Variants in LIFR observed in about 807,000 individuals in gnomAD.
The protein encoded by LIFR is leukemia inhibitory factor receptor.
In LIFR, 84 loss-of-function variants were observed where a neutral mutation model predicts 122.2. That is an observed-to-expected ratio of 0.69 (90% CI 0.58 to 0.82). The LOEUF (loss-of-function observed/expected upper bound fraction) is 0.82, where lower values mean the gene tolerates loss of function less well. Ranked by LOEUF, LIFR falls within the 40% of genes least tolerant of loss-of-function variation. The pLI is 0.00. For missense variants in LIFR, 1,294 were observed against 1,311.6 expected (o/e 0.99, Z 0.21); for synonymous variants, 422 against 434.7 (o/e 0.97, Z 0.36).
chr5:38,521,476 AAGTGGTCC>A (rs1265074636), intron 5 of LIFR, among the ~76,000 whole-genome samples: 1 of 152,194 alleles, frequency 6.6e-6, no homozygotes, highest in South Asian at 2.1e-4. Context: ...AGAGTGGCGT[AAGTGGTCC>A]AGTCTTTGGG....
chr5:38,519,798 T>C lies in LIFR; in HGVS notation c.561+3621A>G, dbSNP rs531544250. Among the ~76,000 whole-genome samples, 13 of 152,342 alleles carry C rather than the reference T, an allele frequency of 8.5e-5. 1 individual carries two copies. In the South Asian group the frequency reaches 2.7e-3, roughly 32 times the overall value. On this transcript the variant is annotated intron_variant, in intron 5 of 19. Coordinates refer to ENST00000453190, the MANE Select transcript of LIFR (RefSeq NM_001127671.2). ...TCCATCCTGGTTGCTGAAGATGACA[T>C]GATTTCATTCTTTTTTATGGCCAAA...
intron 5 of LIFR, among the ~76,000 whole-genome samples, chr5:38,515,238 C>T (rs1391725716): frequency 1.3e-5 from 2 of 152,028 alleles, no homozygotes; most frequent in African/African-American, 2.4e-5. Context: ...TGGCCACAAG[C>T]GGTCTCGGCT....
chr5:38,488,930 C>A, intron 16 of LIFR, 148 bp downstream of exon 16: 1 of 652,640 alleles, frequency 1.5e-6, no homozygotes. Flanking sequence ...CTCTTATATT[C>A]ATAGAATTAC....
rs1039353472 is a variant in LIFR, at chr5:38,477,090, A to G, written c.*4505T>C. 2 of 224,316 alleles carry G rather than the reference A, an allele frequency of 8.9e-6. No individual in the cohort carries two copies. Among genetic ancestry groups the G allele is most frequent in the African/African-American group, 4.5e-5 (2 of 44,894 alleles). 13.9% of individuals were successfully genotyped at this position (224,316 alleles called of 1,614,324 possible). A position where few individuals can be genotyped will look rare whatever the true frequency, so the allele number is the denominator to read the frequency against. ...TTGAATGTTATTCTTAATCCTTTAC[A>G]CTGGCACTAAAAATAGTTCATCTGT... On this transcript the variant is annotated 3_prime_UTR_variant, in exon 20 of 20. Coordinates refer to ENST00000453190, the MANE Select transcript of LIFR (RefSeq NM_001127671.2).
intron 11 of LIFR, among the ~76,000 whole-genome samples, chr5:38,501,629 T>C (rs901004782): frequency 4.6e-5 from 7 of 151,812 alleles, no homozygotes; most frequent in Non-Finnish European, 1.0e-4. Context: ...GTGGGGCCCC[T>C]ACTTGGGAGG....
intron 4 of LIFR, among the ~76,000 whole-genome samples, chr5:38,525,106 G>T (rs1290102793): frequency 6.6e-6 from 1 of 152,102 alleles, no homozygotes; most frequent in Non-Finnish European, 1.5e-5. Flanking sequence ...CACTAAAAAA[G>T]GTAGCAGGAA....
At chr5:38,562,125 C>G (rs754339530) in intron 1 of LIFR, among the ~76,000 whole-genome samples, 19 of 152,300 alleles carry the variant, frequency 1.2e-4, no homozygotes, top group Middle Eastern at 3.4e-3. Context: ...CCCGAGTGAA[C>G]TCTGTCCATC....
chr5:38,517,957 A>G (rs994865636), intron 5 of LIFR, among the ~76,000 whole-genome samples: 3 of 134,406 alleles, frequency 2.2e-5, no homozygotes, highest in African/African-American at 8.5e-5. Context: ...AAAAAAAAAC[A>G]AACAAAAAAA....
rs777244291 is a variant in LIFR, at chr5:38,485,894, G to T, written c.2422C>A (p.His808Asn). The change falls in exon 17 of 20, where the codon CAC becomes AAC. Residue 808 changes from histidine (H) to asparagine (N), a missense_variant. By Grantham distance (68) the His-to-Asn change is moderately conservative (BLOSUM62 1). Coordinates refer to ENST00000453190, the MANE Select transcript of LIFR (RefSeq NM_001127671.2). ...TCTGTATAGGCTCGCAAGACCAGGTGGTAACTTGTTTTACCTTGAAGATCA... is the reference window on the plus strand; with the variant it reads ...TCTGTATAGGCTCGCAAGACCAGGTTGTAACTTGTTTTACCTTGAAGATCA... ...IADLQGKTSY[H>N]LVLRAYTDGG... 3 of 1,614,070 alleles carry T rather than the reference G, an allele frequency of 1.9e-6. No individual in the cohort carries two copies. The South Asian group carries it at 3.3e-5, about 18-fold the overall frequency.
At chr5:38,540,505 T>C (rs185315414) in intron 1 of LIFR, among the ~76,000 whole-genome samples, 23 of 152,264 alleles carry the variant, frequency 1.5e-4, no homozygotes, top group Non-Finnish European at 2.6e-4. Context: ...TTTTAATTGG[T>C]TAAGCTCTCA....
intron 1 of LIFR, among the ~76,000 whole-genome samples, chr5:38,585,382 T>A (rs1293850416): frequency 6.6e-6 from 1 of 152,202 alleles, no homozygotes; most frequent in East Asian, 1.9e-4. Flanking sequence ...TTGGGTTACA[T>A]CAGGAACCTG....
chr5:38,509,279 C>T (rs1020178453), intron 7 of LIFR, among the ~76,000 whole-genome samples: 1 of 152,156 alleles, frequency 6.6e-6, no homozygotes, highest in Non-Finnish European at 1.5e-5. Context: ...AACTTAGACT[C>T]CAGGACTATT....
In LIFR at chr5:38,482,164, C is replaced by T. The variant is rs775137844; in HGVS notation, c.2725G>A (p.Glu909Lys). ...EMNPCTPNNV[E>K]VLETRSAFPK... is the part of the protein sequence containing the mutation. ...AATGCTGATCGAGTTTCCAGAACCT[C>T]AACATTATTTGGGGTACAAGGATTC... The change falls in exon 20 of 20, where the codon GAG (glutamate) becomes AAG (lysine). Residue 909 changes from glutamate to lysine, a missense_variant. Transcript: ENST00000453190. 5 of 1,587,952 alleles carry T rather than the reference C, an allele frequency of 3.1e-6. No individual in the cohort carries two copies. In the Admixed American group the frequency reaches 5.7e-5, roughly 18 times the overall value.
chr5:38,508,320 C>A (rs1032037776), intron 7 of LIFR, among the ~76,000 whole-genome samples: 3 of 151,978 alleles, frequency 2.0e-5, no homozygotes, highest in African/African-American at 7.3e-5. Context: ...TCAGAAAACA[C>A]CTAGCACTAG....
At chr5:38,606,533 T>C (rs1023561835) in intron 1 of LIFR, among the ~76,000 whole-genome samples, 2 of 152,194 alleles carry the variant, frequency 1.3e-5, no homozygotes, top group Non-Finnish European at 2.9e-5. Flanking sequence ...CTCTGTCAGA[T>C]AATTACCTGC....
intron 1 of LIFR, among the ~76,000 whole-genome samples, chr5:38,583,600 C>T (rs528535920): frequency 3.9e-4 from 59 of 152,132 alleles, no homozygotes; most frequent in African/African-American, 1.4e-3. Context: ...ATTTATAACT[C>T]AATAGCAGAA....
At chr5:38,510,867 G>T in intron 6 of LIFR, 149 bp from the exon 7 acceptor site, 2 of 665,302 alleles carry the variant, frequency 3.0e-6, no homozygotes, top group Non-Finnish European at 5.0e-6. Flanking sequence ...TAATGATAAT[G>T]GTCCAAAGAT....
chr5:38,533,924 G>T (rs1479538088), intron 1 of LIFR, among the ~76,000 whole-genome samples: 2 of 152,174 alleles, frequency 1.3e-5, no homozygotes, highest in African/African-American at 4.8e-5. Context: ...CATACAATAA[G>T]ATGACTCCCT....
At position 38,528,857 on chromosome 5, in the gene LIFR, CACACACACACACACACACACAG is replaced by C. The variant is rs759823153; in HGVS notation, c.143-39_143-18del. On this transcript the variant is annotated intron_variant, in intron 2 of 19. Transcript: ENST00000453190. ...GAGGAGCCCCTGGAGGAGACACACA[CACACACACACACACACACACAG>C]ACACACATAAACACAGAATATGCTG... is the stretch of plus-strand genomic sequence containing the variant. 1.3e-5 allele frequency: 13 copies of C among 983,132 alleles called. No individual in the cohort carries two copies. The South Asian group carries it at 1.7e-4, about 13-fold the overall frequency. The allele number at this position is 983,132 out of a possible 1,614,324, so 60.9% of individuals were successfully genotyped here. A position where few individuals can be genotyped will look rare whatever the true frequency, so the allele number is the denominator to read the frequency against.
Sources: gnomAD v4.1 joint callset for allele counts (sites outside exome capture counted in the v4.1 genomes callset) on GRCh38, gnomAD v4.1.1 for gene constraint, MANE v1.5 for transcripts, NCBI Gene and HGNC (gene_info 2026-07-23, HGNC 2026-07-21) for gene names.